Variants in TMEM132D observed in about 807,000 individuals in gnomAD.
The protein encoded by TMEM132D is transmembrane protein 132D.
In TMEM132D, 21 loss-of-function variants were observed where a neutral mutation model predicts 62.3. The observed-to-expected ratio is 0.34, with a 90% CI of 0.24 to 0.49. The LOEUF (loss-of-function observed/expected upper bound fraction) is 0.49, where lower values mean the gene tolerates loss of function less well. Among genes scored for constraint, TMEM132D ranks in the 20% least tolerant of loss-of-function variants. The probability of loss-of-function intolerance (pLI) is 0.99; values close to 1 mark genes in which losing one functional copy is unlikely to be tolerated. For synonymous variants in TMEM132D, 621 were observed against 575.6 expected, an observed-to-expected ratio of 1.08 and a Z score of -1.13; for missense variants, 1,346 against 1,402.8, an observed-to-expected ratio of 0.96 and a Z score of 0.65.
intron 2 of TMEM132D, among the ~76,000 whole-genome samples, chr12:129,562,313 C>T (rs1877258381): frequency 6.6e-6 from 1 of 152,202 alleles, no homozygotes; most frequent in Non-Finnish European, 1.5e-5. Flanking sequence ...GAGGCACACT[C>T]TACTCTTAGT....
intron 4 of TMEM132D, among the ~76,000 whole-genome samples, chr12:129,237,794 C>T (rs1329216554): frequency 1.3e-5 from 2 of 152,042 alleles, no homozygotes; most frequent in East Asian, 1.9e-4. Flanking sequence ...GCCTGGCCAA[C>T]ATGGTGAAAC....
At chr12:129,246,648 C>G (rs188921667) in intron 4 of TMEM132D, among the ~76,000 whole-genome samples, 2 of 151,988 alleles carry the variant, frequency 1.3e-5, no homozygotes, top group Admixed American at 1.3e-4. Context: ...CAGCTATAAT[C>G]CCAGCTACTC....
intron 5 of TMEM132D, among the ~76,000 whole-genome samples, chr12:129,206,214 A>G (rs138540332): frequency 3.6e-4 from 55 of 152,366 alleles, no homozygotes; most frequent in Middle Eastern, 3.4e-3. Flanking sequence ...CATCTGACAA[A>G]GGTCTCATAT....
chr12:129,829,982 G>GA (rs1872779291), intron 1 of TMEM132D, among the ~76,000 whole-genome samples: 1 of 152,072 alleles, frequency 6.6e-6, no homozygotes, highest in Non-Finnish European at 1.5e-5. Context: ...ACTTACTTGT[G>GA]AAAAAGAATC....
At chr12:129,270,513 G>A (rs1880826147) in intron 4 of TMEM132D, among the ~76,000 whole-genome samples, 6 of 152,134 alleles carry the variant, frequency 3.9e-5, no homozygotes, top group Admixed American at 2.6e-4. Context: ...TGTACCGTAC[G>A]TACACAAATG....
At position 129,084,572 on chromosome 12, in the gene TMEM132D, G is replaced by C. The variant is rs1874553711; in HGVS notation, c.1574C>G (p.Pro525Arg). ...LEMTVWVPRL[P>R]LQIEVSDTEL... is the part of the protein sequence containing the mutation. ...GGTGTCGGAGACCTCGATCTGCAGCGGAAGCCGGGGCACCCACACCGTCAT... is the reference window on the plus strand; with the variant it reads ...GGTGTCGGAGACCTCGATCTGCAGCCGAAGCCGGGGCACCCACACCGTCAT... Residue 525 changes from proline to arginine, a missense_variant, in exon 6 of 9, where the codon CCG (proline) becomes CGG (arginine). Coordinates refer to ENST00000422113, the MANE Select transcript of TMEM132D (RefSeq NM_133448.3). 6.2e-7 allele frequency: 1 copy of C among 1,614,010 alleles called. No individual in the cohort carries two copies. Among genetic ancestry groups the C allele is most frequent in the Non-Finnish European group, 8.5e-7 (1 of 1,179,962 alleles).
At chr12:129,302,210 G>A (rs181640441) in intron 4 of TMEM132D, among the ~76,000 whole-genome samples, 49 of 152,308 alleles carry the variant, frequency 3.2e-4, no homozygotes, top group African/African-American at 1.0e-3. Context: ...TGCCTCCCAG[G>A]TTCAAGCGAT....
At chr12:129,336,823 T>C (rs1424151477) in intron 4 of TMEM132D, among the ~76,000 whole-genome samples, 3 of 152,048 alleles carry the variant, frequency 2.0e-5, no homozygotes, top group Non-Finnish European at 4.4e-5. Flanking sequence ...CAGCAGGAGG[T>C]GCTCAGGGAG....
At chr12:129,351,107 G>A (rs548351661) in intron 3 of TMEM132D, among the ~76,000 whole-genome samples, 3 of 152,314 alleles carry the variant, frequency 2.0e-5, no homozygotes, top group South Asian at 2.1e-4. Context: ...TGCCAAAAAT[G>A]GATGACTACC....
intron 3 of TMEM132D, among the ~76,000 whole-genome samples, chr12:129,478,665 T>C (rs995080465): frequency 1.1e-4 from 17 of 152,196 alleles, no homozygotes; most frequent in Non-Finnish European, 2.1e-4. Flanking sequence ...ATTGTCTTGG[T>C]TTCAGACTTG....
At chr12:129,881,271 G>A (rs10744436) in intron 1 of TMEM132D, among the ~76,000 whole-genome samples, 104,974 of 151,738 alleles carry the variant, frequency 0.69, 39,142 homozygotes, top group Non-Finnish European at 0.84. Context: ...CAATGTTGAA[G>A]AGGTACTCCT....
In TMEM132D at chr12:129,074,739, T is replaced by C. The variant is rs1485368639; in HGVS notation, c.2436A>G (p.Thr812=). ...ANPNTSDSRH[T]GAGVHMENNV... Reference sequence around the variant, plus strand: ...TGTTTTCCATGTGAACCCCTGCCCCTGTGTGTCTGCTGTCACTGGTGTTGG... The same window carrying C: ...TGTTTTCCATGTGAACCCCTGCCCCCGTGTGTCTGCTGTCACTGGTGTTGG... Residue 812 remains threonine (T), a synonymous_variant, in exon 9 of 9, where the codon ACA becomes ACG. Coordinates refer to ENST00000422113, the MANE Select transcript of TMEM132D (RefSeq NM_133448.3). 6.2e-7 allele frequency: 1 copy of C among 1,614,210 alleles called. No homozygotes were observed. Among genetic ancestry groups the C allele is most frequent in the South Asian group, 1.1e-5 (1 of 91,086 alleles).
At chr12:129,097,088 G>C (rs1875140092) in intron 5 of TMEM132D, among the ~76,000 whole-genome samples, 1 of 152,208 alleles carries the variant, frequency 6.6e-6, no homozygotes, top group Non-Finnish European at 1.5e-5. Context: ...CCTGGCCAGG[G>C]TTTCTCTGCC....
At chr12:129,605,792 T>C (rs1264797302) in intron 2 of TMEM132D, among the ~76,000 whole-genome samples, 1 of 151,912 alleles carries the variant, frequency 6.6e-6, no homozygotes, top group African/African-American at 2.4e-5. Flanking sequence ...ATTTTTTTCA[T>C]GGGTCAGAGT....
At chr12:129,274,653 G>A (rs1315485448) in intron 4 of TMEM132D, among the ~76,000 whole-genome samples, 1 of 152,192 alleles carries the variant, frequency 6.6e-6, no homozygotes, top group African/African-American at 2.4e-5. Flanking sequence ...TTGGGAGTCT[G>A]AGGCGGGCGG....
chr12:129,697,348 T>C (rs528781704), intron 2 of TMEM132D, among the ~76,000 whole-genome samples: 9 of 152,310 alleles, frequency 5.9e-5, no homozygotes, highest in East Asian at 3.9e-4. Flanking sequence ...TAAAAAGATA[T>C]ACAGTTTTAT....
chr12:129,220,130 C>T (rs909043080), intron 4 of TMEM132D, among the ~76,000 whole-genome samples: 5 of 152,086 alleles, frequency 3.3e-5, no homozygotes, highest in Admixed American at 1.3e-4. Flanking sequence ...CTCTTTCAAG[C>T]GGAAAAGGAT....
At chr12:129,209,451 A>G (rs1565998129) in intron 5 of TMEM132D, 69 bp downstream of exon 5, 1 of 1,590,798 alleles carries the variant, frequency 6.3e-7, no homozygotes, top group South Asian at 1.1e-5. Flanking sequence ...AGAGGTCCCA[A>G]GCTGGTCCAG....
intron 1 of TMEM132D, among the ~76,000 whole-genome samples, chr12:129,760,287 CTT>C (rs556845168): frequency 1.1e-3 from 152 of 142,770 alleles, no homozygotes; most frequent in African/African-American, 3.9e-3. Flanking sequence ...TGACTTAAGT[CTT>C]AGTGCAACAG....
Sources: gnomAD v4.1 joint callset for allele counts (sites outside exome capture counted in the v4.1 genomes callset) on GRCh38, gnomAD v4.1.1 for gene constraint, MANE v1.5 for transcripts, NCBI Gene and HGNC (gene_info 2026-07-23, HGNC 2026-07-21) for gene names.